MAGI1: variants seen among roughly 807,000 people sequenced by gnomAD.
MAGI1 encodes membrane associated guanylate kinase, WW and PDZ domain containing 1.
In MAGI1, 58 loss-of-function variants were observed where a neutral mutation model predicts 139.9. The observed-to-expected ratio is 0.41, with a 90% CI of 0.34 to 0.52. MAGI1 has a LOEUF of 0.52. Among genes scored for constraint, MAGI1 ranks in the 20% least tolerant of loss-of-function variants. The probability of loss-of-function intolerance (pLI) is 0.12; values close to 1 mark genes in which losing one functional copy is unlikely to be tolerated. For synonymous variants in MAGI1, 812 were observed against 737.9 expected, an observed-to-expected ratio of 1.10 and a Z score of -1.63; for missense variants, 1,874 against 1,901.6, an observed-to-expected ratio of 0.99 and a Z score of 0.27.
intron 2 of MAGI1, among the ~76,000 whole-genome samples, chr3:65,548,511 C>CTTTTTTTTTTTTTTTTTTTTTTTTTT (rs1170215972): frequency 1.1e-4 from 10 of 87,388 alleles, no homozygotes; most frequent in African/African-American, 3.3e-4. Flanking sequence ...AAACAACACT[C>CTTTTTTTTTTTTTTTTTTTTTTTTTT]TTTTTTTTTT....
At chr3:65,805,794 A>G (rs1328328091) in intron 1 of MAGI1, among the ~76,000 whole-genome samples, 1 of 152,188 alleles carries the variant, frequency 6.6e-6, no homozygotes, top group East Asian at 1.9e-4. Flanking sequence ...GGAGGGACAT[A>G]GATGGAGCTG....
chr3:65,478,723 C>T lies in MAGI1; in HGVS notation c.626G>A (p.Ser209Asn). 3 of 1,614,082 alleles carry T rather than the reference C, an allele frequency of 1.9e-6. No individual in the cohort carries two copies. The highest frequency in any genetic ancestry group is 2.5e-6 in the Non-Finnish European group (3 of 1,179,998). The part of the protein sequence containing the change: ...GKVITTDALH[S>N]LQSGSKQSTP... ...CGACTGCTTAGAGCCAGACTGAAGG[C>T]TGTGCAAGGCATCCGTCGTGATCAC... Residue 209 changes from serine (S) to asparagine (N), a missense_variant, in exon 4 of 23, where the codon AGC becomes AAC. Ser to Asn is a conservative substitution (Grantham distance 46). Transcript: ENST00000402939.
intron 2 of MAGI1, among the ~76,000 whole-genome samples, chr3:65,610,819 T>TAGTATATATAC (rs60147688): frequency 0.44 from 54,292 of 124,308 alleles, 13,188 homozygotes; most frequent in Non-Finnish European, 0.5. Flanking sequence ...ATATAGTATA[T>TAGTATATATAC]AGTATATATA....
chr3:65,605,495 A>G (rs998810874), intron 2 of MAGI1, among the ~76,000 whole-genome samples: 1 of 152,176 alleles, frequency 6.6e-6, no homozygotes, highest in African/African-American at 2.4e-5. Flanking sequence ...TAGGCCATGC[A>G]CAACTGTAAG....
intron 1 of MAGI1, among the ~76,000 whole-genome samples, chr3:65,867,156 G>A (rs1175383852): frequency 6.6e-6 from 1 of 152,142 alleles, no homozygotes; most frequent in African/African-American, 2.4e-5. Context: ...AATCTATCCA[G>A]AATACCTAGA....
chr3:66,010,885 A>C (rs1377653100), intron 1 of MAGI1, among the ~76,000 whole-genome samples: 1 of 152,166 alleles, frequency 6.6e-6, no homozygotes, highest in Non-Finnish European at 1.5e-5. Flanking sequence ...GTCTCATCCT[A>C]GTGCCGTAGT....
Position 65,462,184 on chromosome 3 carries a change from G to C in MAGI1, c.959+8099C>G, listed in dbSNP as rs147124465. 7.3e-3 allele frequency among the ~76,000 whole-genome samples: 1,104 copies of C among 152,208 alleles called. 14 individuals are homozygous for C. Among genetic ancestry groups the C allele is most frequent in the African/African-American group, 0.025 (1,056 of 41,522 alleles). On this transcript the variant is annotated intron_variant, in intron 5 of 22. Coordinates refer to ENST00000402939, the MANE Select transcript of MAGI1 (RefSeq NM_001033057.2). Reference sequence around the variant, plus strand: ...TTGCTTTTGGTGTTTTAGTCATGAAGTCTTTGCCCATGCCTATGTCCGGAA... The same window carrying C: ...TTGCTTTTGGTGTTTTAGTCATGAACTCTTTGCCCATGCCTATGTCCGGAA...
intron 1 of MAGI1, among the ~76,000 whole-genome samples, chr3:65,738,481 A>G (rs1312236078): frequency 2.0e-5 from 3 of 152,304 alleles, no homozygotes; most frequent in African/African-American, 7.2e-5. Context: ...CCAGCCACAA[A>G]TGTTCTTAAT....
intron 1 of MAGI1, among the ~76,000 whole-genome samples, chr3:65,796,165 C>A (rs1480147442): frequency 6.6e-6 from 1 of 151,998 alleles, no homozygotes; most frequent in South Asian, 2.1e-4. Context: ...CAGGGAAGAA[C>A]TGATGCAAAG....
intron 1 of MAGI1, among the ~76,000 whole-genome samples, chr3:65,760,712 T>C (rs938769753): frequency 3.3e-5 from 5 of 152,048 alleles, no homozygotes; most frequent in Non-Finnish European, 7.4e-5. Context: ...AGCCTAGAGT[T>C]ATAATTTGAG....
intron 1 of MAGI1, among the ~76,000 whole-genome samples, chr3:66,007,966 G>A (rs898166632): frequency 2.7e-5 from 4 of 147,402 alleles, no homozygotes; most frequent in African/African-American, 5.0e-5. Flanking sequence ...GCCTGATCTC[G>A]GCTCACTGCA....
intron 2 of MAGI1, among the ~76,000 whole-genome samples, chr3:65,581,876 A>G (rs1258760466): frequency 6.6e-6 from 1 of 152,152 alleles, no homozygotes; most frequent in Non-Finnish European, 1.5e-5. Flanking sequence ...CCCTGAGAAC[A>G]ACAATTTTCC....
Position 65,356,350 on chromosome 3 carries a change from G to C in MAGI1, c.*28C>G, listed in dbSNP as rs1156850528. 1 of 1,530,134 alleles carries C rather than the reference G, an allele frequency of 6.5e-7. No individual in the cohort carries two copies. The highest frequency in any genetic ancestry group is 8.7e-7 in the Non-Finnish European group (1 of 1,147,780). 94.8% of individuals were successfully genotyped at this position (1,530,134 alleles called of 1,614,324 possible). On this transcript the variant is annotated 3_prime_UTR_variant, in exon 23 of 23. Transcript: ENST00000402939. Reference sequence around the variant, plus strand: ...ACTTTCCTCTTAGAACCTTTGACACGGTAAAGGTTGGAATGTGACTCAGCG... The same window carrying C: ...ACTTTCCTCTTAGAACCTTTGACACCGTAAAGGTTGGAATGTGACTCAGCG...
chr3:65,463,004 T>A (rs1262741806), intron 5 of MAGI1, among the ~76,000 whole-genome samples: 2 of 152,234 alleles, frequency 1.3e-5, no homozygotes, highest in African/African-American at 4.8e-5. Context: ...GTTTACCAGC[T>A]TAAGGAGTTT....
chr3:65,541,721 C>T (rs891106772), intron 2 of MAGI1, among the ~76,000 whole-genome samples: 1 of 152,072 alleles, frequency 6.6e-6, no homozygotes, highest in African/African-American at 2.4e-5. Flanking sequence ...AATTCTACAC[C>T]CCTTCATACT....
chr3:65,806,553 G>T (rs264079), intron 1 of MAGI1, among the ~76,000 whole-genome samples: 20,165 of 152,038 alleles, frequency 0.13, 1,904 homozygotes, highest in East Asian at 0.43. Flanking sequence ...TTTTTTGCCC[G>T]TAAGTCTCCC....
chr3:65,428,599 A>T (rs576371835), intron 12 of MAGI1, among the ~76,000 whole-genome samples: 1 of 152,168 alleles, frequency 6.6e-6, no homozygotes, highest in Non-Finnish European at 1.5e-5. Context: ...CTTAATACCT[A>T]TTCATTCATA....
intron 1 of MAGI1, among the ~76,000 whole-genome samples, chr3:65,919,493 T>A (rs990377703): frequency 2.6e-5 from 4 of 151,890 alleles, no homozygotes; most frequent in African/African-American, 9.7e-5. Context: ...GCCCAGGAGT[T>A]TGAGGCTGTA....
chr3:65,930,042 C>T (rs1158933621), intron 1 of MAGI1, among the ~76,000 whole-genome samples: 3 of 151,956 alleles, frequency 2.0e-5, no homozygotes, highest in Admixed American at 6.6e-5. Flanking sequence ...CTAGGCCGGG[C>T]GCGTTGGCTC....
Sources: allele counts gnomAD v4.1 joint callset (sites outside exome capture counted in the v4.1 genomes callset), GRCh38; gene constraint gnomAD v4.1.1; transcripts MANE v1.5; gene names NCBI Gene and HGNC (gene_info 2026-07-23, HGNC 2026-07-21).